Variants in PDE3B observed in about 807,000 individuals in gnomAD.
The protein encoded by PDE3B is cGMP-inhibited 3',5'-cyclic phosphodiesterase 3B.
In PDE3B, 66 loss-of-function variants were observed where a neutral mutation model predicts 116.8. The observed-to-expected ratio is 0.56, with a 90% CI of 0.46 to 0.69. The LOEUF is 0.69. Ranked by LOEUF, PDE3B falls within the 30% of genes least tolerant of loss-of-function variation. PDE3B has a pLI of 0.00. For missense variants in PDE3B, 1,384 were observed against 1,368.1 expected, an observed-to-expected ratio of 1.01 and a Z score of -0.18; for synonymous variants, 595 against 533.6, an observed-to-expected ratio of 1.12 and a Z score of -1.59.
intron 1 of PDE3B, among the ~76,000 whole-genome samples, chr11:14,657,187 T>A (rs1853738404): frequency 6.6e-6 from 1 of 152,206 alleles, no homozygotes; most frequent in Non-Finnish European, 1.5e-5. Flanking sequence ...GGGAGTACAC[T>A]GGGAAGTCAA....
chr11:14,859,323 TAA>T lies in PDE3B; in HGVS notation c.2724+78_2724+79del, dbSNP rs2063513054. ...ACTGATAAAATATGTTTTTTAATGT[TAA>T]GTTAGAATTATTACTACTTAGGAAG... On this transcript the variant is annotated intron_variant, in intron 13 of 15. Transcript: ENST00000282096. 5.2e-6 allele frequency: 5 copies of T among 954,888 alleles called. 1 individual carries two copies. Among genetic ancestry groups the T allele is most frequent in the Non-Finnish European group, 6.2e-6 (4 of 642,374 alleles). The allele number at this position is 954,888 out of a possible 1,614,324, so 59.2% of individuals were successfully genotyped here.
chr11:14,869,020 CA>C (rs1278465595), intron 15 of PDE3B, among the ~76,000 whole-genome samples: 133 of 136,202 alleles, frequency 9.8e-4, no homozygotes, highest in African/African-American at 2.2e-3. Context: ...GACTCCGTCT[CA>C]AAAAAAAAAA....
rs184971026 is a variant in PDE3B, at chr11:14,691,056, C to T, written c.978+46003C>T. 5.9e-5 allele frequency among the ~76,000 whole-genome samples: 9 copies of T among 151,994 alleles called. No homozygotes were observed. In the East Asian group the frequency reaches 1.2e-3, roughly 20 times the overall value. Reference sequence around the variant, plus strand: ...GGTTAAAGCAGTGTAGAAATAGTGACGAGAGCAGGGAGGAAAAAGGAAATG... The same window carrying T: ...GGTTAAAGCAGTGTAGAAATAGTGATGAGAGCAGGGAGGAAAAAGGAAATG... On this transcript the variant is annotated intron_variant, in intron 1 of 15. Transcript: ENST00000282096.
In PDE3B at chr11:14,861,639, A is replaced by G. The variant is rs569021954; in HGVS notation, c.2886+273A>G. Among the ~76,000 whole-genome samples the G allele has an allele frequency of 2.6e-4, 39 of 152,326 alleles. 1 individual carries two copies. In the East Asian group the frequency reaches 7.1e-3, roughly 28 times the overall value. On this transcript the variant is annotated intron_variant, in intron 14 of 15. Coordinates refer to ENST00000282096, the MANE Select transcript of PDE3B (RefSeq NM_000922.4). ...AAGGCTGTTAGCAGCCGCAAATCCG[A>G]GTTTGCAGCAACCTCAATTCTTGCC...
intron 4 of PDE3B, among the ~76,000 whole-genome samples, chr11:14,801,419 G>T (rs960353477): frequency 6.6e-6 from 1 of 152,170 alleles, no homozygotes; most frequent in Non-Finnish European, 1.5e-5. Flanking sequence ...CAGTTTGCTG[G>T]AGGTCCACTC....
intron 1 of PDE3B, among the ~76,000 whole-genome samples, chr11:14,741,269 A>C (rs1364139833): frequency 6.6e-6 from 1 of 152,114 alleles, no homozygotes; most frequent in Non-Finnish European, 1.5e-5. Flanking sequence ...ACTTGGTATT[A>C]TGAATCTGGG....
chr11:14,879,142 C>T, the PDE3B span: 18 of 1,613,056 alleles, frequency 1.1e-5, 1 homozygote, highest in African/African-American at 1.7e-4. Flanking sequence ...AAGCTTCCTT[C>T]TTGGCAAAAT....
At chr11:14,748,914 A>T (rs1590112847) in intron 1 of PDE3B, among the ~76,000 whole-genome samples, 1 of 142,316 alleles carries the variant, frequency 7.0e-6, no homozygotes. Context: ...TTTGAGACAG[A>T]GTTTCGCTCT....
At chr11:14,721,998 T>C (rs544231746) in intron 1 of PDE3B, among the ~76,000 whole-genome samples, 1 of 150,760 alleles carries the variant, frequency 6.6e-6, no homozygotes, top group South Asian at 2.1e-4. Flanking sequence ...AATGATGAGT[T>C]CATGTCCTTT....
At chr11:14,800,827 C>G (rs1858734847) in intron 4 of PDE3B, among the ~76,000 whole-genome samples, 1 of 151,952 alleles carries the variant, frequency 6.6e-6, no homozygotes, top group South Asian at 2.1e-4. Flanking sequence ...TCACATAGTC[C>G]CTTATTTCTT....
chr11:14,848,291 C>T (rs1441287578), intron 12 of PDE3B, among the ~76,000 whole-genome samples: 1 of 140,110 alleles, frequency 7.1e-6, no homozygotes, highest in African/African-American at 2.7e-5. Context: ...TTCAACAACC[C>T]TTCATGCTAA....
At chr11:14,674,463 T>C (rs936821626) in intron 1 of PDE3B, 1 of 593,696 alleles carries the variant, frequency 1.7e-6, no homozygotes. Flanking sequence ...TGGCAACCTT[T>C]ACACACTTTG....
intron 14 of PDE3B, among the ~76,000 whole-genome samples, chr11:14,862,865 C>T (rs1847976149): frequency 6.6e-6 from 1 of 152,132 alleles, no homozygotes; most frequent in Non-Finnish European, 1.5e-5. Flanking sequence ...AGCCACTGTG[C>T]CCGGCTGTTC....
At chr11:14,687,151 A>G (rs1854902439) in intron 1 of PDE3B, among the ~76,000 whole-genome samples, 1 of 152,226 alleles carries the variant, frequency 6.6e-6, no homozygotes, top group Non-Finnish European at 1.5e-5. Flanking sequence ...TATGAGAATG[A>G]ATTAGCCGAA....
intron 8 of PDE3B, among the ~76,000 whole-genome samples, chr11:14,831,339 C>G (rs1224292730): frequency 6.6e-6 from 1 of 151,218 alleles, no homozygotes. Context: ...CCTGTAACTA[C>G]TAAAATGAAA....
At chr11:14,783,308 A>C (rs1229807970) in intron 2 of PDE3B, among the ~76,000 whole-genome samples, 1 of 152,220 alleles carries the variant, frequency 6.6e-6, no homozygotes, top group Non-Finnish European at 1.5e-5. Flanking sequence ...ACACATGCAC[A>C]TGTATGTTTA....
At chr11:14,803,102 G>GT (rs1396983738) in intron 4 of PDE3B, among the ~76,000 whole-genome samples, 2 of 152,212 alleles carry the variant, frequency 1.3e-5, no homozygotes, top group African/African-American at 4.8e-5. Flanking sequence ...GCAAAGCAGT[G>GT]TAAGTTAGGG....
intron 11 of PDE3B, among the ~76,000 whole-genome samples, chr11:14,839,076 G>A (rs1175442556): frequency 6.6e-6 from 1 of 152,192 alleles, no homozygotes; most frequent in Admixed American, 6.5e-5. Flanking sequence ...CCTGGAGAGT[G>A]AAATGCTATG....
intron 1 of PDE3B, among the ~76,000 whole-genome samples, chr11:14,749,910 A>ATATATATATATATATATATATG (rs763744588): frequency 1.5e-5 from 2 of 131,480 alleles, no homozygotes; most frequent in African/African-American, 3.1e-5. Context: ...ATATATATAT[A>ATATATATATATATATATATATG]TATGTATCTT....
Sources: gnomAD v4.1 joint callset for allele counts (sites outside exome capture counted in the v4.1 genomes callset) on GRCh38, gnomAD v4.1.1 for gene constraint, MANE v1.5 for transcripts, NCBI Gene and HGNC (gene_info 2026-07-23, HGNC 2026-07-21) for gene names.